FUT8: variants seen among roughly 807,000 people sequenced by gnomAD.
FUT8 encodes the protein alpha-(1,6)-fucosyltransferase.
A neutral mutation model predicts 71.3 loss-of-function variants in FUT8; 29 were observed. The ratio of observed to expected loss-of-function variants is 0.41; its 90% CI spans 0.30 to 0.55. The LOEUF is 0.55. FUT8 is among the 20% of genes least tolerant of loss of function. FUT8 has a pLI of 0.34. For missense variants in FUT8, 544 were observed against 702.1 expected, an observed-to-expected ratio of 0.77 and a Z score of 2.55; for synonymous variants, 254 against 239.3, an observed-to-expected ratio of 1.06 and a Z score of -0.57.
At chr14:65,391,373 G>C in the FUT8 span, among the ~76,000 whole-genome samples, 1 of 151,598 alleles carries the variant, frequency 6.6e-6, no homozygotes, top group Non-Finnish European at 1.5e-5. Flanking sequence ...TGTTTTTTTT[G>C]AGACGGAATT....
intron 5 of FUT8, among the ~76,000 whole-genome samples, chr14:65,618,907 G>A (rs955035388): frequency 6.6e-6 from 1 of 152,118 alleles, no homozygotes; most frequent in South Asian, 2.1e-4. Flanking sequence ...TTCTACCTGG[G>A]TTAGAAGATT....
At chr14:65,586,857 G>A (rs1354630546) in intron 3 of FUT8, among the ~76,000 whole-genome samples, 1 of 152,002 alleles carries the variant, frequency 6.6e-6, no homozygotes, top group East Asian at 1.9e-4. Context: ...ATATTTGAGG[G>A]GTTTTCCCCC....
chr14:65,553,872 T>C (rs1455744739), intron 2 of FUT8, among the ~76,000 whole-genome samples: 2 of 152,066 alleles, frequency 1.3e-5, no homozygotes, highest in African/African-American at 4.8e-5. Context: ...TTTTAGCAGC[T>C]TTTTGTCTAC....
At chr14:65,360,260 C>T in the FUT8 span, among the ~76,000 whole-genome samples, 1 of 152,202 alleles carries the variant, frequency 6.6e-6, no homozygotes, top group Non-Finnish European at 1.5e-5. Flanking sequence ...CATGAAACAA[C>T]TCTGTCAGTC....
chr14:65,433,806 C>G (rs2065513217), intron 1 of FUT8, among the ~76,000 whole-genome samples: 3 of 152,034 alleles, frequency 2.0e-5, no homozygotes, highest in African/African-American at 4.8e-5. Flanking sequence ...CTCTCTCTCT[C>G]TCTCTCTCTC....
chr14:65,433,812 C>A (rs1047875896), intron 1 of FUT8, among the ~76,000 whole-genome samples: 1 of 150,360 alleles, frequency 6.7e-6, no homozygotes, highest in African/African-American at 2.4e-5. Context: ...CTCTCTCTCT[C>A]TCTCTCGCTG....
chr14:65,564,167 T>A (rs1418345354), intron 3 of FUT8, among the ~76,000 whole-genome samples: 1 of 152,052 alleles, frequency 6.6e-6, no homozygotes, highest in Non-Finnish European at 1.5e-5. Context: ...TTTTTTCCCC[T>A]TATAGTAATT....
intron 5 of FUT8, among the ~76,000 whole-genome samples, chr14:65,624,128 G>T (rs892566154): frequency 1.3e-5 from 2 of 152,152 alleles, no homozygotes; most frequent in African/African-American, 4.8e-5. Flanking sequence ...TGAATTTAAG[G>T]TTGTATCCTG....
chr14:65,692,317 G>A (rs1243827227), intron 7 of FUT8, among the ~76,000 whole-genome samples: 4 of 147,258 alleles, frequency 2.7e-5, no homozygotes, highest in East Asian at 4.1e-4. Flanking sequence ...AGGCAGAGGC[G>A]CCCCTCACCT....
At chr14:65,423,587 T>C (rs1257937452) in intron 1 of FUT8, among the ~76,000 whole-genome samples, 1 of 152,214 alleles carries the variant, frequency 6.6e-6, no homozygotes, top group Non-Finnish European at 1.5e-5. Context: ...CTTAATGTCA[T>C]CTGGAAAGTC....
rs1370168978 is a variant in FUT8 at position 65,413,726 on chromosome 14, G to A, written c.-326+512G>A. Among the ~76,000 whole-genome samples the A allele has an allele frequency of 6.6e-6, 1 of 152,222 alleles. No homozygotes were observed. Among genetic ancestry groups the A allele is most frequent in the Non-Finnish European group, 1.5e-5 (1 of 68,038 alleles). On this transcript the variant is annotated intron_variant, in intron 1 of 10. Coordinates refer to ENST00000673929, the MANE Select transcript of FUT8 (RefSeq NM_001371533.1). This position sits in a 1 kb window ranked among gnomAD's most constrained non-coding sequence, Gnocchi z 4.1. ...CCCTCACAAAGATCCGCGAGGGACT[G>A]ATGCAGGGCAGTTAAAGGCTTGAGT...
Position 65,474,452 on chromosome 14 carries a change from A to AAAAAAAAAAC in FUT8, c.-228+18739_-228+18740insAAAACAAAAA, listed in dbSNP as rs1444502696. ...AACCTGTCTCTACTGAAAAAAAAAA[A>AAAAAAAAAAC]AAAAAGCCAGGCGTGCTGGCTCCCA... On this transcript the variant is annotated intron_variant, in intron 2 of 10. Transcript: ENST00000673929. 4.1e-5 allele frequency among the ~76,000 whole-genome samples: 6 copies of AAAAAAAAAAC among 146,736 alleles called. 1 individual carries two copies. Among genetic ancestry groups the AAAAAAAAAAC allele is most frequent in the African/African-American group, 1.5e-4 (6 of 39,796 alleles).
chr14:65,368,201 G>C, the FUT8 span, among the ~76,000 whole-genome samples: 2 of 150,188 alleles, frequency 1.3e-5, no homozygotes, highest in Non-Finnish European at 3.0e-5. Context: ...CTACAGGCAT[G>C]TGCCACCACG....
At chr14:65,442,767 C>T (rs2065680683) in intron 1 of FUT8, among the ~76,000 whole-genome samples, 1 of 148,652 alleles carries the variant, frequency 6.7e-6, no homozygotes, top group African/African-American at 2.5e-5. Flanking sequence ...GCCCAGGAGG[C>T]AGAGTTTGCA....
At chr14:65,646,266 C>T (rs1034213448) in intron 6 of FUT8, 1 of 152,148 alleles carries the variant, frequency 6.6e-6, no homozygotes, top group Non-Finnish European at 1.5e-5. Context: ...CTCAGTCCTG[C>T]TCCCAAGATA....
chr14:65,742,016 T>C (rs554217367), intron 10 of FUT8, 77 bp from the exon 11 acceptor site: 7 of 1,242,604 alleles, frequency 5.6e-6, no homozygotes, highest in Middle Eastern at 2.0e-4. Flanking sequence ...GAGCCCATCC[T>C]TTTGGCCAAG....
the FUT8 span, among the ~76,000 whole-genome samples, chr14:65,358,015 T>C: frequency 6.6e-6 from 1 of 152,044 alleles, no homozygotes; most frequent in Non-Finnish European, 1.5e-5. Context: ...GAGAGTAGAA[T>C]AGTGGTTACC....
intron 2 of FUT8, among the ~76,000 whole-genome samples, chr14:65,559,787 G>A (rs1004279972): frequency 2.6e-5 from 4 of 152,074 alleles, no homozygotes; most frequent in Admixed American, 2.6e-4. Flanking sequence ...GGATACCTGA[G>A]TTTAGAGGAG....
the FUT8 span, among the ~76,000 whole-genome samples, chr14:65,359,833 C>CTT: frequency 1.0e-2 from 1,504 of 150,608 alleles, 20 homozygotes; most frequent in African/African-American, 0.035. Flanking sequence ...AAGGCACACT[C>CTT]TTTTTTTTTT....
Sources: gnomAD v4.1 joint callset for allele counts (sites outside exome capture counted in the v4.1 genomes callset) on GRCh38, gnomAD v4.1.1 for gene constraint, Gnocchi (gnomAD v3.1) non-coding constraint, MANE v1.5 for transcripts, NCBI Gene and HGNC (gene_info 2026-07-23, HGNC 2026-07-21) for gene names.